The following TMBIM4 variants were observed in gnomAD, a reference collection of about 807,000 sequenced individuals.
The protein encoded by TMBIM4 is protein lifeguard 4.
A neutral mutation model predicts 27.7 loss-of-function variants in TMBIM4; 28 were observed. The observed-to-expected ratio is 1.01, with a 90% CI of 0.75 to 1.38. TMBIM4 has a LOEUF of 1.38. TMBIM4 is among the 40% of genes most tolerant of loss of function. TMBIM4 has a pLI of 0.00. For synonymous variants in TMBIM4, 115 were observed against 113.1 expected (o/e 1.02, Z -0.11); for missense variants, 265 against 277.5 (o/e 0.95, Z 0.32).
chr12:66,145,668 T>A (rs762682742), intron 5 of TMBIM4, among the ~76,000 whole-genome samples, 173 bp downstream of exon 5: 3 of 152,150 alleles, frequency 2.0e-5, no homozygotes, highest in Non-Finnish European at 4.4e-5. Context: ...CACTTTCCAT[T>A]TCTGTGTATG....
chr12:66,138,773 T>C lies in TMBIM4; in HGVS notation c.465-4A>G, dbSNP rs757496167. ...TATCCACAAAAGAGCAAACAGCCTATAAAAATACAATTTTAGTAATTTGCA... is the reference window on the plus strand; with the variant it reads ...TATCCACAAAAGAGCAAACAGCCTACAAAAATACAATTTTAGTAATTTGCA... On this transcript the variant is annotated splice_polypyrimidine_tract_variant and splice_region_variant and intron_variant, in intron 5 of 6. Transcript: ENST00000358230. 1 of 1,542,684 alleles carries C rather than the reference T, an allele frequency of 6.5e-7. No individual in the cohort carries two copies. The highest frequency in any genetic ancestry group is 1.3e-5 in the South Asian group (1 of 79,082).
chr12:66,137,809 G>GA lies in TMBIM4; in HGVS notation c.*150dup. 1 of 622,570 alleles carries GA rather than the reference G, an allele frequency of 1.6e-6. No individual in the cohort carries two copies. The allele number at this position is 622,570 out of a possible 1,614,324, so 38.6% of individuals were successfully genotyped here. ...TTTTAAAGCTCTCAAAATTACATAT[G>GA]ATACAAATAAAGATTGTAACAGTAT... On this transcript the variant is annotated 3_prime_UTR_variant, in exon 7 of 7. Transcript: ENST00000358230.
At chr12:66,168,472 G>T (rs1162230853) in intron 1 of TMBIM4, among the ~76,000 whole-genome samples, 1 of 152,066 alleles carries the variant, frequency 6.6e-6, no homozygotes, top group Non-Finnish European at 1.5e-5. Flanking sequence ...TATAAGTTTA[G>T]TCTAAAGCTA....
Position 66,137,717 on chromosome 12 carries a change from T to C in TMBIM4, c.*243A>G, listed in dbSNP as rs973457202. 13 of 410,420 alleles carry C rather than the reference T, an allele frequency of 3.2e-5. No individual in the cohort carries two copies. Among genetic ancestry groups the C allele is most frequent in the Admixed American group, 2.9e-4 (7 of 24,238 alleles). 25.4% of individuals were successfully genotyped at this position (410,420 alleles called of 1,614,324 possible). On this transcript the variant is annotated 3_prime_UTR_variant, in exon 7 of 7. Coordinates refer to ENST00000358230, the MANE Select transcript of TMBIM4 (RefSeq NM_016056.4). ...CCAGAAAAGCATTTTTAATAGAATT[T>C]TGATAGCTCTTAACTGAGATCCTAA...
intron 1 of TMBIM4, among the ~76,000 whole-genome samples, chr12:66,160,837 G>A (rs997867083): frequency 1.4e-5 from 2 of 147,408 alleles, no homozygotes; most frequent in Admixed American, 6.8e-5. Context: ...CACACAGGGC[G>A]GCAGCTTGGC....
chr12:66,169,561 T>C (rs1201938027), intron 1 of TMBIM4: 2 of 477,954 alleles, frequency 4.2e-6, no homozygotes, highest in East Asian at 7.0e-5. Context: ...GGTTTCCATC[T>C]GTCCCTTCCT....
chr12:66,155,360 G>A (rs2051916915), intron 1 of TMBIM4, among the ~76,000 whole-genome samples: 3 of 150,070 alleles, frequency 2.0e-5, no homozygotes, highest in African/African-American at 7.4e-5. Flanking sequence ...GAGAGAGAGA[G>A]GCAGGGTCTC....
chr12:66,167,605 C>T (rs145036857), intron 1 of TMBIM4, among the ~76,000 whole-genome samples: 56 of 152,240 alleles, frequency 3.7e-4, no homozygotes, highest in East Asian at 2.9e-3. Context: ...AAGAAAAGAA[C>T]GGAATGTGTT....
At position 66,144,217 on chromosome 12, in the gene TMBIM4, C is replaced by T. The variant is rs567156884; in HGVS notation, c.464+1624G>A. Among the ~76,000 whole-genome samples, 123 of 152,130 alleles carry T rather than the reference C, an allele frequency of 8.1e-4. 1 individual carries two copies. The highest frequency in any genetic ancestry group is 4.3e-4 in the Non-Finnish European group (29 of 67,984). On this transcript the variant is annotated intron_variant, in intron 5 of 6. Coordinates refer to ENST00000358230, the MANE Select transcript of TMBIM4 (RefSeq NM_016056.4). ...GTAAGAGGCAATTTTGAAAGGGTTCCGTTTCCAGTACTACAGCAAGTAAGA... is the reference window on the plus strand; with the variant it reads ...GTAAGAGGCAATTTTGAAAGGGTTCTGTTTCCAGTACTACAGCAAGTAAGA...
chr12:66,140,800 G>A (rs1213347562), intron 5 of TMBIM4, among the ~76,000 whole-genome samples: 1 of 152,106 alleles, frequency 6.6e-6, no homozygotes, highest in African/African-American at 2.4e-5. Flanking sequence ...AAGAAAAGTG[G>A]AGGGGGAGGG....
chr12:66,141,631 A>G (rs1223479588), intron 5 of TMBIM4, among the ~76,000 whole-genome samples: 1 of 152,144 alleles, frequency 6.6e-6, no homozygotes, highest in African/African-American at 2.4e-5. Context: ...AAAAGGATAG[A>G]AAAACATATA....
chr12:66,152,366 TTA>T lies in TMBIM4; in HGVS notation c.215_216del (p.Leu72TyrfsTer21). On this transcript the variant is annotated frameshift_variant, in exon 3 of 7. Transcript: ENST00000358230. LOFTEE classifies it high-confidence loss of function. ...VRTFVHESPALILLFALGSLG... is the reference protein window; with the variant it reads ...VRTFVHESPAXILLFALGSLG... ...AGAGATCCGAGGGCAAACAGCAAAA[TTA>T]AGGCAGGACTGAAAGACATAATATT... 1 of 1,607,750 alleles carries T rather than the reference TTA, an allele frequency of 6.2e-7. No individual in the cohort carries two copies. The highest frequency in any genetic ancestry group is 1.3e-5 in the African/African-American group (1 of 74,870).
chr12:66,148,270 C>T (rs1054415446), intron 3 of TMBIM4, among the ~76,000 whole-genome samples: 1 of 152,106 alleles, frequency 6.6e-6, no homozygotes, highest in Non-Finnish European at 1.5e-5. Flanking sequence ...ATTATGTGCA[C>T]ATTTATAAAA....
chr12:66,161,753 C>T (rs12578801), intron 1 of TMBIM4, among the ~76,000 whole-genome samples: 9,628 of 152,142 alleles, frequency 0.063, 784 homozygotes, highest in East Asian at 0.45. Context: ...ATGTGAGGGA[C>T]GTAGAAGTAA....
At chr12:66,164,173 C>T (rs560133217) in intron 1 of TMBIM4, among the ~76,000 whole-genome samples, 1 of 152,182 alleles carries the variant, frequency 6.6e-6, no homozygotes, top group East Asian at 1.9e-4. Flanking sequence ...AAGAAACTAC[C>T]TCAACATATT....
intron 5 of TMBIM4, among the ~76,000 whole-genome samples, chr12:66,144,149 CTG>C (rs986991214): frequency 1.1e-4 from 16 of 152,020 alleles, no homozygotes; most frequent in African/African-American, 3.9e-4. Context: ...AGGCTGGAAA[CTG>C]TTAAGACTGG....
intron 2 of TMBIM4, 25 bp from the exon 3 acceptor site, chr12:66,152,401 T>C (rs2051860857): frequency 6.6e-7 from 1 of 1,518,320 alleles, no homozygotes; most frequent in Non-Finnish European, 9.0e-7. Context: ...ATTAAGTGTT[T>C]CAAGTTAAAG....
chr12:66,162,085 AAAG>A (rs1408437725), intron 1 of TMBIM4, among the ~76,000 whole-genome samples: 1 of 151,736 alleles, frequency 6.6e-6, no homozygotes, highest in Non-Finnish European at 1.5e-5. Context: ...ACTAAAAAAA[AAAG>A]GCCATTCTTC....
intron 1 of TMBIM4, among the ~76,000 whole-genome samples, chr12:66,156,261 T>C (rs575196805): frequency 1.3e-5 from 2 of 152,338 alleles, no homozygotes; most frequent in South Asian, 2.1e-4. Flanking sequence ...AAACTTAACA[T>C]GGCCAAAACT....
Sources: allele counts gnomAD v4.1 joint callset (sites outside exome capture counted in the v4.1 genomes callset), GRCh38; gene constraint gnomAD v4.1.1; transcripts MANE v1.5; gene names NCBI Gene and HGNC (gene_info 2026-07-23, HGNC 2026-07-21).